Variants in MCM7 observed in about 807,000 individuals in gnomAD.
MCM7 encodes DNA replication licensing factor MCM7.
Under a neutral mutation model 83.5 loss-of-function variants are expected in MCM7, and 95 were observed. The ratio of observed to expected loss-of-function variants is 1.14; its 90% CI spans 0.96 to 1.35. The LOEUF (loss-of-function observed/expected upper bound fraction) is 1.35. Ranked by LOEUF, MCM7 falls within the 40% of genes most tolerant of loss-of-function variation. The probability of loss-of-function intolerance (pLI) is 0.00; values close to 1 mark genes in which losing one functional copy is unlikely to be tolerated. For missense variants in MCM7, 1,087 were observed against 957.4 expected (o/e 1.14, Z -1.79); for synonymous variants, 461 against 352.7 (o/e 1.31, Z -3.44).
chr7:100,093,653 G>C, intron 13 of MCM7: 1 of 736,574 alleles, frequency 1.4e-6, no homozygotes, highest in South Asian at 1.4e-5. Flanking sequence ...CAGTCCCGGA[G>C]TTCAGCTGTC....
chr7:100,097,270 T>C (rs749163063), intron 10 of MCM7, 31 bp downstream of exon 10: 16 of 1,594,858 alleles, frequency 1.0e-5, no homozygotes, highest in East Asian at 8.9e-5. Context: ...TCTGTCACTA[T>C]ATTCACCTCC....
At chr7:100,096,385 C>A (rs1423729346) in intron 10 of MCM7, among the ~76,000 whole-genome samples, 1 of 152,156 alleles carries the variant, frequency 6.6e-6, no homozygotes, top group Non-Finnish European at 1.5e-5. Context: ...TCACTGAAAC[C>A]TTGGCTCCTG....
rs750534289 is a variant in MCM7, at chr7:100,100,005, T to TA, written c.111+8dup. 2.0e-5 allele frequency: 32 copies of TA among 1,612,746 alleles called. No individual in the cohort carries two copies. The African/African-American group carries it at 3.5e-4, about 17-fold the overall frequency. ...GCTCCCCATTCCCTTTACCCAATCT[T>TA]AGACTTACCAACTGGTTCCCATACT... On this transcript the variant is annotated intron_variant, in intron 2 of 14. Coordinates refer to ENST00000303887, the MANE Select transcript of MCM7 (RefSeq NM_005916.5).
At position 100,094,253 on chromosome 7, in the gene MCM7, G is replaced by A. The variant is rs561439468; in HGVS notation, c.1768C>T (p.Arg590Ter). ...YITAAYVEMR[R>*]EAWASKDATY... ...GCATCCTTACTAGCCCAAGCCTCTC[G>A]CCTCATCTCCACGTATGCTGCTGTG... The change falls in exon 13 of 15, where the codon CGA becomes TGA. Residue 590 changes from arginine (R) to a stop codon, truncating the protein, a stop_gained. Coordinates refer to ENST00000303887, the MANE Select transcript of MCM7 (RefSeq NM_005916.5). LOFTEE classifies it high-confidence loss of function. 19 of 1,614,198 alleles carry A rather than the reference G, an allele frequency of 1.2e-5. No individual in the cohort carries two copies. The highest frequency in any genetic ancestry group is 8.8e-5 in the South Asian group (8 of 91,086).
At position 100,094,349 on chromosome 7, in the gene MCM7, G is replaced by T. The variant is rs777532728; in HGVS notation, c.1680-8C>A. On this transcript the variant is annotated splice_polypyrimidine_tract_variant and splice_region_variant and intron_variant, in intron 12 of 14. Coordinates refer to ENST00000303887, the MANE Select transcript of MCM7 (RefSeq NM_005916.5). ...CACATGGCTATGTAACGCCTGTGGG[G>T]GAAGGTTCATGGGGAAGCAGAAGAG... 2 of 1,613,740 alleles carry T rather than the reference G, an allele frequency of 1.2e-6. No individual in the cohort carries two copies. Among genetic ancestry groups the T allele is most frequent in the Non-Finnish European group, 1.7e-6 (2 of 1,180,004 alleles).
intron 1 of MCM7, chr7:100,100,696 C>G (rs1795949055): frequency 1.0e-6 from 1 of 989,418 alleles, no homozygotes; most frequent in African/African-American, 1.7e-5. Flanking sequence ...CCCAGGCACG[C>G]CCCCCCGGGC....
chr7:100,093,901 G>C, intron 13 of MCM7: 1 of 683,806 alleles, frequency 1.5e-6, no homozygotes, highest in Non-Finnish European at 2.8e-6. Context: ...ACAGGATCTA[G>C]GACACATGGA....
rs759374940 is a variant in MCM7, at chr7:100,093,398, G to A, written c.1852C>T (p.Arg618Cys). The change falls in exon 14 of 15, where the codon CGT (arginine) becomes TGT (cysteine). Residue 618 changes from arginine (R) to cysteine (C), a missense_variant. Arg to Cys is a radical substitution (Grantham distance 180, BLOSUM62 -3). Transcript: ENST00000303887. ...AILRLSTALA[R>C]LRMVDVVEKE... ...TCCACCACATCCACCATTCTCAGAC[G>A]TGCCTAAGGGGAAGGTAGGGGGGAA... 83 of 1,613,746 alleles carry A rather than the reference G, an allele frequency of 5.1e-5. No homozygotes were observed. The highest frequency in any genetic ancestry group is 6.3e-5 in the Non-Finnish European group (74 of 1,179,854).
rs1562892953 is a variant in MCM7 at position 100,094,357 on chromosome 7, C to T, written c.1680-16G>A. 1.9e-6 allele frequency: 3 copies of T among 1,613,350 alleles called. No homozygotes were observed. The highest frequency in any genetic ancestry group is 2.2e-5 in the East Asian group (1 of 44,896). ...TATGTAACGCCTGTGGGGGAAGGTT[C>T]ATGGGGAAGCAGAAGAGGGAGATGG... is the stretch of plus-strand genomic sequence containing the variant. On this transcript the variant is annotated splice_polypyrimidine_tract_variant and intron_variant, in intron 12 of 14. Transcript: ENST00000303887.
Position 100,095,483 on chromosome 7 carries a change from A to C in MCM7, c.1596-13T>G. The C allele has an allele frequency of 6.2e-7, 1 of 1,612,730 alleles. No individual in the cohort carries two copies. The highest frequency in any genetic ancestry group is 2.2e-5 in the East Asian group (1 of 44,842). On this transcript the variant is annotated splice_polypyrimidine_tract_variant and intron_variant, in intron 11 of 14. Transcript: ENST00000303887. ...GTGCTGGGCCAACCTGGACAGAGGG[A>C]AGGTTAGAAGGAACACCCTTTTTAG...
At chr7:100,100,177 A>C (rs2116596883) in intron 1 of MCM7, 84 bp from the exon 2 acceptor site, 1 of 1,542,336 alleles carries the variant, frequency 6.5e-7, no homozygotes, top group Non-Finnish European at 8.8e-7. Context: ...ACGACCTATG[A>C]ACTAATTAAT....
chr7:100,100,452 T>A, intron 1 of MCM7: 1 of 1,001,914 alleles, frequency 1.0e-6, no homozygotes, highest in Non-Finnish European at 1.2e-6. Context: ...CCTTAGCCCC[T>A]GATTTCACCG....
intron 11 of MCM7, 37 bp downstream of exon 11, chr7:100,095,737 A>T (rs1417479720): frequency 1.3e-6 from 2 of 1,536,948 alleles, no homozygotes; most frequent in African/African-American, 2.7e-5. Context: ...ACAGATCATT[A>T]CAGGGGACCT....
At position 100,093,285 on chromosome 7, in the gene MCM7, C is replaced by A; in HGVS notation, c.1958+7G>T. 1 of 1,612,052 alleles carries A rather than the reference C, an allele frequency of 6.2e-7. No individual in the cohort carries two copies. The highest frequency in any genetic ancestry group is 1.1e-5 in the South Asian group (1 of 91,076). ...GACACAGCTTTGTCCTTCACTAAAC[C>A]ACTCACCTAGCTGTCTGCCCCTTGT... On this transcript the variant is annotated splice_region_variant and intron_variant, in intron 14 of 14. Transcript: ENST00000303887.
At chr7:100,098,317 T>C (rs1283579921) in intron 6 of MCM7, 27 bp from the exon 7 acceptor site, 16 of 1,611,398 alleles carry the variant, frequency 9.9e-6, no homozygotes, top group Non-Finnish European at 1.3e-5. Flanking sequence ...CACATAAGAC[T>C]AGGAGAAATG....
rs1795570324 is a variant in MCM7 at position 100,095,412 on chromosome 7, C to T, written c.1654G>A (p.Glu552Lys). 1 of 1,613,704 alleles carries T rather than the reference C, an allele frequency of 6.2e-7. No individual in the cohort carries two copies. Among genetic ancestry groups the T allele is most frequent in the Admixed American group, 1.7e-5 (1 of 59,948 alleles). Residue 552 changes from glutamate to lysine, a missense_variant, in exon 12 of 15, where the codon GAA (glutamate) becomes AAA (lysine). By Grantham distance (56) the Glu-to-Lys change is moderately conservative. Transcript: ENST00000303887. ...QHSRQPPSQFEPLDMKLMRRY... is the reference protein window; with the variant it reads ...QHSRQPPSQFKPLDMKLMRRY... ...CTCATGAGCTTCATGTCCAGAGGTT[C>T]AAACTGGGAGGGGGGCTGCCGGCTG...
intron 5 of MCM7, 34 bp downstream of exon 5, chr7:100,098,989 G>A (rs761088889): frequency 6.2e-7 from 1 of 1,611,950 alleles, no homozygotes. Context: ...CAACTAATGG[G>A]TAAGTGCTTT....
Position 100,099,138 on chromosome 7 carries a change from G to A in MCM7, c.467C>T (p.Ser156Phe). The change falls in exon 5 of 15, where the codon TCT (serine) becomes TTT (phenylalanine). Residue 156 changes from serine (S) to phenylalanine (F), a missense_variant. Physicochemically the swap from Ser to Phe is radical, Grantham distance 155. Transcript: ENST00000303887. ...ACGCACAGTTACCAACTTCCCCACA[G>A]AGTCAGCCCGCACTTCCCGGATCAC... ...PRVIREVRADSVGKLVTVRGI... is the reference protein window; with the variant it reads ...PRVIREVRADFVGKLVTVRGI... 1 of 1,614,110 alleles carries A rather than the reference G, an allele frequency of 6.2e-7. No individual in the cohort carries two copies. The highest frequency in any genetic ancestry group is 8.5e-7 in the Non-Finnish European group (1 of 1,180,030).
rs751678616 is a variant in MCM7, at chr7:100,099,208, G to A, written c.402-5C>T. 5.6e-6 allele frequency: 9 copies of A among 1,613,870 alleles called. No homozygotes were observed. Among genetic ancestry groups the A allele is most frequent in the Non-Finnish European group, 7.6e-6 (9 of 1,179,974 alleles). On this transcript the variant is annotated splice_region_variant and splice_polypyrimidine_tract_variant and intron_variant, in intron 4 of 14. Transcript: ENST00000303887. ...GGGCCTTGAAAATACAGCTCACTAA[G>A]GGGAGAAAACAGTCACAAACAAGAT... is the stretch of plus-strand genomic sequence containing the variant.
Sources: gnomAD v4.1 joint callset for allele counts (sites outside exome capture counted in the v4.1 genomes callset) on GRCh38, gnomAD v4.1.1 for gene constraint, MANE v1.5 for transcripts, NCBI Gene and HGNC (gene_info 2026-07-23, HGNC 2026-07-21) for gene names.